Variants in RGS12 observed in about 807,000 individuals in gnomAD.
The protein encoded by RGS12 is regulator of G protein signaling 12.
Under a neutral mutation model 120.1 loss-of-function variants are expected in RGS12, and 66 were observed. That is an observed-to-expected ratio of 0.55 (90% CI 0.45 to 0.67). The LOEUF (loss-of-function observed/expected upper bound fraction) is 0.67, where lower values mean the gene tolerates loss of function less well. RGS12 is among the 30% of genes least tolerant of loss of function. RGS12 has a pLI of 0.00. For missense variants in RGS12, 1,859 were observed against 1,957.7 expected (o/e 0.95, Z 0.95); for synonymous variants, 827 against 804.7 (o/e 1.03, Z -0.47).
At chr4:3,437,962 T>C (rs928037624) in intron 17 of RGS12, among the ~76,000 whole-genome samples, 2 of 152,122 alleles carry the variant, frequency 1.3e-5, no homozygotes, top group African/African-American at 2.4e-5. Flanking sequence ...CACGCTGGGA[T>C]TGGGGACCTT....
chr4:3,291,745 T>C (rs1209912425), upstream of RGS12, among the ~76,000 whole-genome samples: 1 of 152,152 alleles, frequency 6.6e-6, no homozygotes, highest in Non-Finnish European at 1.5e-5. Context: ...TTGTCTGGCT[T>C]CCTGTAACCG....
chr4:3,413,917 A>T, intron 4 of RGS12, 155 bp from the exon 5 acceptor site: 1 of 691,418 alleles, frequency 1.4e-6, no homozygotes, highest in Non-Finnish European at 2.4e-6. Context: ...ATGCACTGGC[A>T]GGTGGTAGGT....
In RGS12 at chr4:3,316,470, C is replaced by T. The variant is rs752338623; in HGVS notation, c.300C>T (p.Gly100=). 1 of 1,614,162 alleles carries T rather than the reference C, an allele frequency of 6.2e-7. No individual in the cohort carries two copies. The highest frequency in any genetic ancestry group is 8.5e-7 in the Non-Finnish European group (1 of 1,180,038). Residue 100 remains glycine (G), a synonymous_variant, in exon 2 of 18, where the codon GGC becomes GGT. Transcript: ENST00000336727. The stretch of plus-strand genomic sequence containing the variant: ...ACATGGTGATTGCTGAAGGCGTCGG[C>T]CGCTTCGAATCCTGTTCCAGTGATG... ...VLHMVIAEGV[G]RFESCSSDEE...
Position 3,317,134 on chromosome 4 carries a change from G to T in RGS12, c.964G>T (p.Asp322Tyr). 1.9e-6 allele frequency: 3 copies of T among 1,613,896 alleles called. No individual in the cohort carries two copies. The highest frequency in any genetic ancestry group is 2.5e-6 in the Non-Finnish European group (3 of 1,179,992). Residue 322 changes from aspartate (D) to tyrosine (Y), a missense_variant, in exon 2 of 18, where the codon GAC becomes TAC. Transcript: ENST00000336727. ...FGLVTMQTNDDGSLAQEEEGA... is the reference protein window; with the variant it reads ...FGLVTMQTNDYGSLAQEEEGA... Reference sequence around the variant, plus strand: ...GTTGGTTACCATGCAGACGAATGACGACGGGAGCCTGGCCCAGGAGGAGGA... The same window carrying T: ...GTTGGTTACCATGCAGACGAATGACTACGGGAGCCTGGCCCAGGAGGAGGA...
At chr4:3,297,613 G>C (rs776595843) in intron 1 of RGS12, among the ~76,000 whole-genome samples, 1 of 152,170 alleles carries the variant, frequency 6.6e-6, no homozygotes, top group Non-Finnish European at 1.5e-5. Context: ...AGGTCCTCTC[G>C]CACAGCCCTG....
At chr4:3,351,593 G>GTT (rs1417532726) in intron 3 of RGS12, among the ~76,000 whole-genome samples, 1 of 152,128 alleles carries the variant, frequency 6.6e-6, no homozygotes, top group Non-Finnish European at 1.5e-5. Flanking sequence ...TAAGCAATGA[G>GTT]TTTATCTTAA....
intron 2 of RGS12, chr4:3,342,457 G>T: frequency 1.6e-6 from 2 of 1,286,970 alleles, no homozygotes; most frequent in Non-Finnish European, 2.0e-6. Context: ...TCAGACACCA[G>T]CTGAATGCTT....
Position 3,433,439 on chromosome 4 carries a change from C to G in RGS12, c.4114+2484C>G, listed in dbSNP as rs1174883398. Among the ~76,000 whole-genome samples, 1 of 152,150 alleles carries G rather than the reference C, an allele frequency of 6.6e-6. No homozygotes were observed. The highest frequency in any genetic ancestry group is 1.5e-5 in the Non-Finnish European group (1 of 68,002). On this transcript the variant is annotated intron_variant, in intron 17 of 17. Transcript: ENST00000336727. This position sits in a 1 kb window ranked among gnomAD's most constrained non-coding sequence, Gnocchi z 4.4. ...TTGCCCTTCCAGCCTCAGTGCCATG[C>G]ACTGTGCCACCCTGTCCTAGCCCCA...
At chr4:3,300,339 C>G (rs1346772793) in intron 1 of RGS12, among the ~76,000 whole-genome samples, 3 of 152,190 alleles carry the variant, frequency 2.0e-5, no homozygotes, top group African/African-American at 7.2e-5. Flanking sequence ...CCAGAGCGCC[C>G]TGCACTCCAG....
At chr4:3,309,561 A>T in intron 1 of RGS12, among the ~76,000 whole-genome samples, 1 of 135,080 alleles carries the variant, frequency 7.4e-6, no homozygotes, top group Non-Finnish European at 1.5e-5. Context: ...GGGCCTGGGA[A>T]TGGCAGGTGT....
chr4:3,417,269 A>C (rs894902255), intron 8 of RGS12, 119 bp from the exon 9 acceptor site: 21 of 1,323,472 alleles, frequency 1.6e-5, no homozygotes, highest in Non-Finnish European at 1.9e-5. Context: ...CATGACCTGT[A>C]GAAGTGATAC....
upstream of RGS12, among the ~76,000 whole-genome samples, chr4:3,292,446 C>T (rs983269488): frequency 2.0e-4 from 30 of 152,304 alleles, no homozygotes; most frequent in African/African-American, 7.2e-4. Flanking sequence ...GTGGCTTCGC[C>T]GCGGGAACTC....
intron 17 of RGS12, among the ~76,000 whole-genome samples, chr4:3,434,619 C>G (rs1724635353): frequency 6.6e-6 from 1 of 152,242 alleles, no homozygotes; most frequent in African/African-American, 2.4e-5. Flanking sequence ...CACCCCTGCA[C>G]AGAAGCAGAC....
At chr4:3,298,189 C>T (rs748311780) in intron 1 of RGS12, among the ~76,000 whole-genome samples, 1 of 152,156 alleles carries the variant, frequency 6.6e-6, no homozygotes, top group Non-Finnish European at 1.5e-5. Context: ...CTGGGCACTC[C>T]GTGGGCCCTT....
At chr4:3,357,333 T>C (rs1218657327) in intron 3 of RGS12, among the ~76,000 whole-genome samples, 1 of 152,132 alleles carries the variant, frequency 6.6e-6, no homozygotes. Context: ...GTGGGTTGCC[T>C]TTTTACTCTA....
At chr4:3,293,613 G>A (rs1042649093) in intron 1 of RGS12, among the ~76,000 whole-genome samples, 3 of 152,342 alleles carry the variant, frequency 2.0e-5, no homozygotes, top group South Asian at 2.1e-4. Context: ...CCGCGATTGT[G>A]CAGTGTAGAC....
chr4:3,306,348 A>G (rs1383413177), intron 1 of RGS12, among the ~76,000 whole-genome samples: 1 of 152,186 alleles, frequency 6.6e-6, no homozygotes, highest in African/African-American at 2.4e-5. Context: ...TGACGATGAC[A>G]TGAGTTTAGA....
At chr4:3,343,681 C>G (rs888393281) in intron 3 of RGS12, among the ~76,000 whole-genome samples, 1 of 151,968 alleles carries the variant, frequency 6.6e-6, no homozygotes, top group Non-Finnish European at 1.5e-5. Flanking sequence ...GACAAATGTC[C>G]GTGCCGTGCA....
intron 3 of RGS12, among the ~76,000 whole-genome samples, chr4:3,373,879 G>T (rs1215321022): frequency 6.6e-6 from 1 of 152,212 alleles, no homozygotes; most frequent in Non-Finnish European, 1.5e-5. Context: ...AAGTATATTT[G>T]AGAAAAACTG....
Sources: allele counts gnomAD v4.1 joint callset (sites outside exome capture counted in the v4.1 genomes callset), GRCh38; gene constraint gnomAD v4.1.1; non-coding constraint Gnocchi (gnomAD v3.1); transcripts MANE v1.5; gene names NCBI Gene and HGNC (gene_info 2026-07-23, HGNC 2026-07-21).